The following ZNF541 variants were observed in gnomAD, a reference collection of about 807,000 sequenced individuals.
The protein encoded by ZNF541 is zinc finger protein 541.
A neutral mutation model predicts 123.5 loss-of-function variants in ZNF541; 23 were observed. That is an observed-to-expected ratio of 0.19 (90% CI 0.13 to 0.26). The LOEUF (loss-of-function observed/expected upper bound fraction) is 0.26. Ranked by LOEUF, ZNF541 falls within the 10% of genes least tolerant of loss-of-function variation. The probability of loss-of-function intolerance (pLI) is 1.00; values close to 1 mark genes in which losing one functional copy is unlikely to be tolerated. For missense variants in ZNF541, 1,612 were observed against 1,789.9 expected, an observed-to-expected ratio of 0.90 and a Z score of 1.79; for synonymous variants, 751 against 754.5, an observed-to-expected ratio of 1.00 and a Z score of 0.08.
At chr19:47,556,453 T>G (rs1013886333) in intron 2 of ZNF541, among the ~76,000 whole-genome samples, 2 of 152,176 alleles carry the variant, frequency 1.3e-5, no homozygotes, top group African/African-American at 4.8e-5. Flanking sequence ...TTCTTTTAAT[T>G]TTTTACAGAT....
chr19:47,531,886 G>A, intron 11 of ZNF541, 141 bp from the exon 12 acceptor site: 1 of 908,202 alleles, frequency 1.1e-6, no homozygotes, highest in Admixed American at 2.6e-5. Context: ...AGGAGGAAGA[G>A]CAGAACCCTG....
In ZNF541 at chr19:47,529,610, G is replaced by A. The variant is rs1037556708; in HGVS notation, c.3448C>T (p.Arg1150Trp). The change falls in exon 13 of 17, where the codon CGG becomes TGG. Residue 1150 changes from arginine to tryptophan, a missense_variant. This residue lies in a region of ZNF541 where 285 missense variants were observed against 407.3 expected (regional missense o/e 0.70). Coordinates refer to ENST00000391901, the MANE Select transcript of ZNF541 (RefSeq NM_001277075.3). ...CGATAGTCAGCGAGCAGGTGTGTCC[G>A]TGGCTTGTGGGGCCCTCGGAGCAGA... ...TLLLRGPHKPRTHLLADYRYT... is the reference protein window; with the variant it reads ...TLLLRGPHKPWTHLLADYRYT... 4.5e-6 allele frequency: 7 copies of A among 1,551,594 alleles called. No individual in the cohort carries two copies. The highest frequency in any genetic ancestry group is 2.7e-5 in the African/African-American group (2 of 73,048).
rs909142755 is a variant in ZNF541, at chr19:47,553,688, G to A, written c.307+1862C>T. Among the ~76,000 whole-genome samples, 28 of 152,248 alleles carry A rather than the reference G, an allele frequency of 1.8e-4. No individual in the cohort carries two copies. In the East Asian group the frequency reaches 4.4e-3, roughly 24 times the overall value. On this transcript the variant is annotated intron_variant, in intron 3 of 16. Transcript: ENST00000391901. ...CAAAGTGCTGGGATTACAGGCGTGA[G>A]CCACCACGCCTGGCCAAATTATTGT... is the stretch of plus-strand genomic sequence containing the variant.
At chr19:47,531,232 CGGGGG>C (rs61537082) in intron 12 of ZNF541, among the ~76,000 whole-genome samples, 1,345 of 99,656 alleles carry the variant, frequency 0.013, 63 homozygotes, top group African/African-American at 0.032. Context: ...GAATTGTGAG[CGGGGG>C]GGGGGGGGGG....
intron 12 of ZNF541, among the ~76,000 whole-genome samples, chr19:47,529,929 G>C (rs1469476673): frequency 6.6e-6 from 1 of 152,164 alleles, no homozygotes; most frequent in South Asian, 2.1e-4. Context: ...TCTGGCACAA[G>C]CTCCTTACTC....
In ZNF541 at chr19:47,520,978, G is replaced by T; in HGVS notation, c.*246C>A. On this transcript the variant is annotated 3_prime_UTR_variant, in exon 17 of 17. Coordinates refer to ENST00000391901, the MANE Select transcript of ZNF541 (RefSeq NM_001277075.3). ...TGCTCTAGAAGTGGAAGGGAAAGAA[G>T]GGGAGAGACTATGAACCTAAGGAGA... 2.0e-6 allele frequency: 1 copy of T among 495,280 alleles called. No individual in the cohort carries two copies. Among genetic ancestry groups the T allele is most frequent in the African/African-American group, 1.9e-5 (1 of 52,296 alleles). The allele number at this position is 495,280 out of a possible 1,614,324, so 30.7% of individuals were successfully genotyped here.
intron 3 of ZNF541, among the ~76,000 whole-genome samples, chr19:47,551,906 G>A (rs1454608097): frequency 1.3e-5 from 2 of 152,124 alleles, no homozygotes; most frequent in African/African-American, 4.8e-5. Flanking sequence ...CACCCACGCT[G>A]GAGTGCAATG....
rs1025817392 is a variant in ZNF541, at chr19:47,521,130, G to C, written c.*94C>G. 7 of 1,433,556 alleles carry C rather than the reference G, an allele frequency of 4.9e-6. No homozygotes were observed. In the African/African-American group the frequency reaches 8.5e-5, roughly 17 times the overall value. 88.8% of individuals were successfully genotyped at this position (1,433,556 alleles called of 1,614,324 possible). On this transcript the variant is annotated 3_prime_UTR_variant, in exon 17 of 17. Transcript: ENST00000391901. The surrounding 1 kb of genome is among the most constrained non-coding windows in gnomAD (Gnocchi z 4.2). ...TTGGCCAACAGGGGACAGGGAGGGTGGGGGGAGGCAGAGGGGTGCCCCAAA... is the reference window on the plus strand; with the variant it reads ...TTGGCCAACAGGGGACAGGGAGGGTCGGGGGAGGCAGAGGGGTGCCCCAAA...
Position 47,545,337 on chromosome 19 carries a change from G to C in ZNF541, c.1192C>G (p.Arg398Gly), listed in dbSNP as rs563682772. ...GSVPACLPLF[R>G]GQTVPASSQP... Reference sequence around the variant, plus strand: ...GAACTGGCAGGGACCGTCTGGCCTCGGAAGAGAGGCAGGCAGGCAGGCACG... The same window carrying C: ...GAACTGGCAGGGACCGTCTGGCCTCCGAAGAGAGGCAGGCAGGCAGGCACG... Residue 398 changes from arginine to glycine, a missense_variant, in exon 5 of 17, where the codon CGA becomes GGA. Physicochemically the swap from Arg to Gly is moderately radical, Grantham distance 125. Transcript: ENST00000391901. The surrounding 1 kb of genome is among the most constrained non-coding windows in gnomAD (Gnocchi z 7.5). 1 of 1,547,172 alleles carries C rather than the reference G, an allele frequency of 6.5e-7. No homozygotes were observed. The highest frequency in any genetic ancestry group is 1.2e-5 in the South Asian group (1 of 83,846).
Position 47,539,773 on chromosome 19 carries a change from C to A in ZNF541, c.2728G>T (p.Ala910Ser). 6.8e-7 allele frequency: 1 copy of A among 1,475,952 alleles called. No homozygotes were observed. The allele number at this position is 1,475,952 out of a possible 1,614,324, so 91.4% of individuals were successfully genotyped here. A position where few individuals can be genotyped will look rare whatever the true frequency, so the allele number is the denominator to read the frequency against. Residue 910 changes from alanine to serine, a missense_variant, in exon 8 of 17, where the codon GCC (alanine) becomes TCC (serine). This residue lies in a region of ZNF541 where 1,080 missense variants were observed against 1,013.8 expected (regional missense o/e 1.07). Transcript: ENST00000391901. ...TKKPLDPTAA[A>S]PLVVPQSIPV... ...ATCGATTGGGGGACCACCAAAGGGG[C>A]TGCAGCTGTGGGGTCCAAGGGCTTC...
intron 2 of ZNF541, among the ~76,000 whole-genome samples, chr19:47,565,845 T>C (rs1193928336): frequency 1.3e-5 from 2 of 152,114 alleles, no homozygotes; most frequent in African/African-American, 4.8e-5. Context: ...TAAGTCAACA[T>C]TGGGGATCCG....
At chr19:47,570,396 G>C (rs1201737619) in intron 2 of ZNF541, among the ~76,000 whole-genome samples, 1 of 151,762 alleles carries the variant, frequency 6.6e-6, no homozygotes, top group Non-Finnish European at 1.5e-5. Context: ...TGCCAACATG[G>C]TGAAAACCCG....
At chr19:47,551,905 T>G (rs947758422) in intron 3 of ZNF541, among the ~76,000 whole-genome samples, 1 of 152,196 alleles carries the variant, frequency 6.6e-6, no homozygotes, top group Non-Finnish European at 1.5e-5. Context: ...TCACCCACGC[T>G]GGAGTGCAAT....
chr19:47,544,995 G>C lies in ZNF541; in HGVS notation c.1534C>G (p.Leu512Val), dbSNP rs1292438744. Residue 512 changes from leucine (L) to valine (V), a missense_variant, in exon 5 of 17, where the codon CTG (leucine) becomes GTG (valine). Around this residue, in one of 5 missense-constraint regions of ZNF541, gnomAD observed 1,080 missense variants for 1,013.8 expected, o/e 1.07. Coordinates refer to ENST00000391901, the MANE Select transcript of ZNF541 (RefSeq NM_001277075.3). ...CCGGGCTCCCCGGGGTTCTGGCACA[G>C]GAAGGAGTCGCAGTCGACCTTGACC... ...KKVKVDCDSF[L>V]CQNPGEPGLQ... 1 of 1,525,304 alleles carries C rather than the reference G, an allele frequency of 6.6e-7. No individual in the cohort carries two copies. Among genetic ancestry groups the C allele is most frequent in the South Asian group, 1.2e-5 (1 of 83,004 alleles). The allele number at this position is 1,525,304 out of a possible 1,614,324, so 94.5% of individuals were successfully genotyped here. A position where few individuals can be genotyped will look rare whatever the true frequency, so the allele number is the denominator to read the frequency against.
chr19:47,544,699 A>G lies in ZNF541; in HGVS notation c.1830T>C (p.Ser610=). The stretch of plus-strand genomic sequence containing the variant: ...CGGGGTTTCCAGGGCCGGCGTGGAG[A>G]GAGTCCACAGCAGGAGCCAGTGGTG... ...QPPPLAPAVD[S]LHAGPGNPEA... The change falls in exon 5 of 17, where the codon TCT becomes TCC. Residue 610 remains serine, a synonymous_variant. Transcript: ENST00000391901. 6.6e-7 allele frequency: 1 copy of G among 1,517,050 alleles called. No individual in the cohort carries two copies. Among genetic ancestry groups the G allele is most frequent in the Non-Finnish European group, 8.8e-7 (1 of 1,134,886 alleles). The allele number at this position is 1,517,050 out of a possible 1,614,324, so 94.0% of individuals were successfully genotyped here. A position where few individuals can be genotyped will look rare whatever the true frequency, so the allele number is the denominator to read the frequency against.
chr19:47,549,595 G>A (rs989832499), intron 3 of ZNF541, 110 bp from the exon 4 acceptor site: 22 of 1,450,452 alleles, frequency 1.5e-5, no homozygotes, highest in African/African-American at 9.9e-5. Context: ...TAAGTGTTGC[G>A]CGAGAACTCT....
At chr19:47,550,891 CAT>C (rs1328027004) in intron 3 of ZNF541, among the ~76,000 whole-genome samples, 1 of 152,154 alleles carries the variant, frequency 6.6e-6, no homozygotes, top group Non-Finnish European at 1.5e-5. Context: ...CCACTGGAAA[CAT>C]AGGGTTTGGC....
chr19:47,560,573 T>TC (rs897279677), intron 2 of ZNF541, among the ~76,000 whole-genome samples: 1 of 110,138 alleles, frequency 9.1e-6, no homozygotes, highest in African/African-American at 3.7e-5. Context: ...CAAAACTCTG[T>TC]CCCAAAAAAA....
Position 47,549,427 on chromosome 19 carries a change from C to T in ZNF541, c.366G>A (p.Ser122=), listed in dbSNP as rs1346923182. The T allele has an allele frequency of 3.2e-6, 5 of 1,551,578 alleles. No homozygotes were observed. The highest frequency in any genetic ancestry group is 1.4e-5 in the African/African-American group (1 of 73,030). The stretch of plus-strand genomic sequence containing the variant: ...GCCGCTTTCCTTTCCTGGCACTCCC[C>T]GAGGTGGCCCTTCCTCCTTCGTCAG... ...KEADEGGRAT[S]GSARKGKRQH... The change falls in exon 4 of 17, where the codon TCG becomes TCA. Residue 122 remains serine, a synonymous_variant. Transcript: ENST00000391901.
Sources: gnomAD v4.1 joint callset for allele counts (sites outside exome capture counted in the v4.1 genomes callset) on GRCh38, gnomAD v4.1.1 for gene constraint, gnomAD v4.1.1 regional missense constraint, Gnocchi (gnomAD v3.1) non-coding constraint, MANE v1.5 for transcripts, NCBI Gene and HGNC (gene_info 2026-07-23, HGNC 2026-07-21) for gene names.